The following ADCY9 variants were observed in gnomAD, a reference collection of about 807,000 sequenced individuals.
ADCY9 encodes the protein adenylate cyclase 9.
A neutral mutation model predicts 101.5 loss-of-function variants in ADCY9; 50 were observed. The observed-to-expected ratio is 0.49, with a 90% CI of 0.39 to 0.62. The LOEUF (loss-of-function observed/expected upper bound fraction) is 0.62. Ranked by LOEUF, ADCY9 falls within the 20% of genes least tolerant of loss-of-function variation. ADCY9 has a pLI of 0.00. For missense variants in ADCY9, 1,662 were observed against 1,800.4 expected, an observed-to-expected ratio of 0.92 and a Z score of 1.39; for synonymous variants, 905 against 769.3, an observed-to-expected ratio of 1.18 and a Z score of -2.92.
At chr16:4,070,263 A>G (rs1033907655) in intron 2 of ADCY9, among the ~76,000 whole-genome samples, 1 of 152,016 alleles carries the variant, frequency 6.6e-6, no homozygotes, top group Admixed American at 6.6e-5. Flanking sequence ...TCACGCATAT[A>G]TTTTTCTCCA....
chr16:4,017,415 CG>C (rs1312988311), intron 2 of ADCY9, among the ~76,000 whole-genome samples: 1 of 149,524 alleles, frequency 6.7e-6, no homozygotes, highest in Non-Finnish European at 1.5e-5. Context: ...GAGGCCGAGG[CG>C]GGGGGTTGCT....
At chr16:4,084,556 T>C (rs944464740) in intron 2 of ADCY9, among the ~76,000 whole-genome samples, 2 of 151,948 alleles carry the variant, frequency 1.3e-5, no homozygotes, top group African/African-American at 4.8e-5. Flanking sequence ...TGAGACCCCA[T>C]CTCTACAAAA....
intron 10 of ADCY9, among the ~76,000 whole-genome samples, chr16:3,968,427 T>C (rs924651268): frequency 6.6e-6 from 1 of 152,212 alleles, no homozygotes; most frequent in Middle Eastern, 3.4e-3. Flanking sequence ...CCACCGCGCC[T>C]GGCCTTGGTT....
At chr16:4,090,093 C>T (rs1402813529) in intron 2 of ADCY9, among the ~76,000 whole-genome samples, 1 of 152,124 alleles carries the variant, frequency 6.6e-6, no homozygotes, top group African/African-American at 2.4e-5. Flanking sequence ...CCAACAAGGG[C>T]ACTTTTCAGG....
intron 10 of ADCY9, among the ~76,000 whole-genome samples, chr16:3,972,962 T>C (rs529269212): frequency 8.5e-5 from 13 of 152,352 alleles, no homozygotes; most frequent in African/African-American, 2.4e-4. Flanking sequence ...CTAGGTGCTT[T>C]ACTTTTAAGT....
intron 7 of ADCY9, among the ~76,000 whole-genome samples, chr16:3,980,406 GAGA>G (rs2056131227): frequency 6.6e-6 from 1 of 152,234 alleles, no homozygotes; most frequent in Admixed American, 6.5e-5. Context: ...GGGAGGTGAA[GAGA>G]AGGTGTGGGG....
At chr16:3,972,123 A>G (rs2056057153) in intron 10 of ADCY9, among the ~76,000 whole-genome samples, 1 of 152,236 alleles carries the variant, frequency 6.6e-6, no homozygotes. Flanking sequence ...ACAGCTTCCC[A>G]GCTAGAATGT....
At chr16:4,097,863 T>C (rs1020757529) in intron 2 of ADCY9, among the ~76,000 whole-genome samples, 1 of 152,066 alleles carries the variant, frequency 6.6e-6, no homozygotes, top group African/African-American at 2.4e-5. Context: ...TACTTATTTA[T>C]TCATTCATTT....
intron 2 of ADCY9, among the ~76,000 whole-genome samples, chr16:4,059,725 C>G (rs2056762891): frequency 6.6e-6 from 1 of 152,064 alleles, no homozygotes; most frequent in East Asian, 1.9e-4. Flanking sequence ...TATCAAGACC[C>G]CGTCTCAACG....
At chr16:4,048,409 T>C (rs1486462219) in intron 2 of ADCY9, among the ~76,000 whole-genome samples, 2 of 152,224 alleles carry the variant, frequency 1.3e-5, no homozygotes, top group Non-Finnish European at 2.9e-5. Context: ...CTGGGTCACA[T>C]TCTCCCCCTT....
rs532620106 is a variant in ADCY9 at position 4,041,143 on chromosome 16, T to A, written c.1694-33585A>T. On this transcript the variant is annotated intron_variant, in intron 2 of 10. Transcript: ENST00000294016. Reference sequence around the variant, plus strand: ...CCCAAGAAATGGCATATTCTAGAAATAGAGCAAGGAAGCCACTCCACACTC... The same window carrying A: ...CCCAAGAAATGGCATATTCTAGAAAAAGAGCAAGGAAGCCACTCCACACTC... Among the ~76,000 whole-genome samples the A allele has an allele frequency of 5.3e-5, 8 of 152,208 alleles. No individual in the cohort carries two copies. The East Asian group carries it at 1.4e-3, about 26-fold the overall frequency.
chr16:4,055,691 A>G (rs1389186381), intron 2 of ADCY9, among the ~76,000 whole-genome samples: 1 of 151,920 alleles, frequency 6.6e-6, no homozygotes, highest in African/African-American at 2.4e-5. Context: ...AAAATTAGCC[A>G]GGCGTGGCGC....
In ADCY9 at chr16:4,020,370, C is replaced by T. The variant is rs552058473; in HGVS notation, c.1694-12812G>A. On this transcript the variant is annotated intron_variant, in intron 2 of 10. Coordinates refer to ENST00000294016, the MANE Select transcript of ADCY9 (RefSeq NM_001116.4). Reference sequence around the variant, plus strand: ...TTCTTTTTTACCTTTATTAAATAAACGTGAAGTCATAAGAACTACTAAAAG... The same window carrying T: ...TTCTTTTTTACCTTTATTAAATAAATGTGAAGTCATAAGAACTACTAAAAG... Among the ~76,000 whole-genome samples, 7 of 152,076 alleles carry T rather than the reference C, an allele frequency of 4.6e-5. No individual in the cohort carries two copies. The East Asian group carries it at 7.7e-4, about 17-fold the overall frequency.
intron 2 of ADCY9, among the ~76,000 whole-genome samples, chr16:4,110,091 G>A (rs555073417): frequency 2.0e-5 from 3 of 152,208 alleles, no homozygotes; most frequent in South Asian, 2.1e-4. Context: ...CCTCTAAAGC[G>A]CTCCCCACTC....
intron 2 of ADCY9, among the ~76,000 whole-genome samples, chr16:4,088,780 T>C (rs1197006031): frequency 6.6e-6 from 1 of 152,082 alleles, no homozygotes; most frequent in African/African-American, 2.4e-5. Flanking sequence ...TAATTGTTAA[T>C]GTTGGTCTGG....
intron 3 of ADCY9, among the ~76,000 whole-genome samples, chr16:3,996,040 C>G (rs17199128): frequency 0.045 from 6,836 of 152,042 alleles, 228 homozygotes; most frequent in Admixed American, 0.078. Flanking sequence ...TTGAAAGCAC[C>G]TCTTGGTATT....
intron 2 of ADCY9, among the ~76,000 whole-genome samples, chr16:4,056,772 G>T (rs1410977315): frequency 2.0e-5 from 3 of 152,228 alleles, no homozygotes; most frequent in Non-Finnish European, 4.4e-5. Context: ...AATATGTGCT[G>T]TTGTTATAAT....
rs1432759664 is a variant in ADCY9, at chr16:4,115,864, C to A, written c.-218G>T. 7 of 396,182 alleles carry A rather than the reference C, an allele frequency of 1.8e-5. No homozygotes were observed. The East Asian group carries it at 2.5e-4, about 14-fold the overall frequency. The allele number at this position is 396,182 out of a possible 1,614,324, so 24.5% of individuals were successfully genotyped here. ...GAGGGAAGTTCAGACCTTGAGCGCT[C>A]CCAGCCCCGCGAGCCGCCTGCGCAC... On this transcript the variant is annotated 5_prime_UTR_variant, in exon 1 of 11. Coordinates refer to ENST00000294016, the MANE Select transcript of ADCY9 (RefSeq NM_001116.4). The surrounding 1 kb of genome is among the most constrained non-coding windows in gnomAD (Gnocchi z 6.2).
At chr16:3,959,151 A>G (rs2055924504), downstream of ADCY9, among the ~76,000 whole-genome samples, 2 of 152,088 alleles carry the variant, frequency 1.3e-5, no homozygotes, top group African/African-American at 4.8e-5. Context: ...ACTTGAGCCC[A>G]GGAATTTGAG....
Sources: allele counts gnomAD v4.1 joint callset (sites outside exome capture counted in the v4.1 genomes callset), GRCh38; gene constraint gnomAD v4.1.1; non-coding constraint Gnocchi (gnomAD v3.1); transcripts MANE v1.5; gene names NCBI Gene and HGNC (gene_info 2026-07-23, HGNC 2026-07-21).